BAZ2B: variants seen among roughly 807,000 people sequenced by gnomAD.
BAZ2B encodes bromodomain adjacent to zinc finger domain protein 2B.
In BAZ2B, 91 loss-of-function variants were observed where a neutral mutation model predicts 246.0. The ratio of observed to expected loss-of-function variants is 0.37; its 90% CI spans 0.31 to 0.44. BAZ2B has a LOEUF of 0.44. Among genes scored for constraint, BAZ2B ranks in the 20% least tolerant of loss-of-function variants. The pLI is 1.00. For synonymous variants in BAZ2B, 855 were observed against 860.0 expected (o/e 0.99, Z 0.10); for missense variants, 2,332 against 2,533.7 (o/e 0.92, Z 1.71).
chr2:159,325,113 TA>T lies in BAZ2B; in HGVS notation c.6210-160del, dbSNP rs1359118455. On this transcript the variant is annotated intron_variant, in intron 35 of 36. Coordinates refer to ENST00000392783, the MANE Select transcript of BAZ2B (RefSeq NM_013450.4). ...TATATTATATATATATATATATATATATTTTATATATATATATATATATATA... is the reference window on the plus strand; with the variant it reads ...TATATTATATATATATATATATATATTTTTATATATATATATATATATATA... Among the ~76,000 whole-genome samples the T allele has an allele frequency of 3.2e-3, 8 of 2,494 alleles. 1 individual carries two copies. Among genetic ancestry groups the T allele is most frequent in the African/African-American group, 9.5e-3 (8 of 838 alleles). The allele number at this position is 2,494 out of a possible 152,430, so 1.6% of individuals were successfully genotyped here. A position where few individuals can be genotyped will look rare whatever the true frequency, so the allele number is the denominator to read the frequency against.
the BAZ2B span, among the ~76,000 whole-genome samples, chr2:159,675,963 T>G: frequency 6.6e-6 from 1 of 152,262 alleles, no homozygotes; most frequent in South Asian, 2.1e-4. Flanking sequence ...TGGTGCGATC[T>G]AGGCTCACTG....
At chr2:159,438,852 G>A in intron 7 of BAZ2B, 157 bp from the exon 8 acceptor site, 1 of 1,207,530 alleles carries the variant, frequency 8.3e-7, no homozygotes, top group Non-Finnish European at 1.1e-6. Context: ...AATACCGTAT[G>A]TCCCTTTAAA....
At chr2:159,504,940 G>A (rs1375728810) in intron 2 of BAZ2B, among the ~76,000 whole-genome samples, 1 of 152,146 alleles carries the variant, frequency 6.6e-6, no homozygotes, top group African/African-American at 2.4e-5. Flanking sequence ...GGTGCAGAGA[G>A]CAATTATCTT....
chr2:159,572,504 T>C (rs552261107), intron 1 of BAZ2B, among the ~76,000 whole-genome samples: 1 of 152,278 alleles, frequency 6.6e-6, no homozygotes, highest in South Asian at 2.1e-4. Context: ...AGAATTTGTT[T>C]TTGGAAAAGC....
chr2:159,582,540 C>T (rs1549385), intron 1 of BAZ2B, among the ~76,000 whole-genome samples: 83,912 of 151,872 alleles, frequency 0.55, 23,939 homozygotes, highest in East Asian at 0.74. Flanking sequence ...AGCACTACAA[C>T]GTCTAAATAA....
At chr2:159,643,632 T>C in the BAZ2B span, among the ~76,000 whole-genome samples, 2 of 152,096 alleles carry the variant, frequency 1.3e-5, no homozygotes, top group Non-Finnish European at 2.9e-5. Flanking sequence ...CCCAGCACTT[T>C]GGGAGTCCGA....
chr2:159,445,241 C>T (rs901792016), intron 6 of BAZ2B, among the ~76,000 whole-genome samples: 3 of 152,028 alleles, frequency 2.0e-5, no homozygotes, highest in African/African-American at 7.2e-5. Flanking sequence ...AGGAAGAAAT[C>T]GCATTAACAA....
chr2:159,592,554 A>G (rs1026597009), intron 1 of BAZ2B, among the ~76,000 whole-genome samples: 1 of 152,236 alleles, frequency 6.6e-6, no homozygotes, highest in Non-Finnish European at 1.5e-5. Flanking sequence ...TTCTAAAAAG[A>G]GACTCTGTCT....
intron 1 of BAZ2B, among the ~76,000 whole-genome samples, chr2:159,570,347 G>A (rs1428884345): frequency 6.6e-6 from 1 of 151,988 alleles, no homozygotes; most frequent in Non-Finnish European, 1.5e-5. Context: ...ACCATGCCTG[G>A]CTAATTTTTG....
chr2:159,510,248 T>A (rs1387533142), intron 2 of BAZ2B, among the ~76,000 whole-genome samples: 1 of 152,116 alleles, frequency 6.6e-6, no homozygotes, highest in Non-Finnish European at 1.5e-5. Context: ...AGTGGTGCGA[T>A]CACAGTTTAC....
At chr2:159,538,213 G>A (rs1424448676) in intron 2 of BAZ2B, among the ~76,000 whole-genome samples, 1 of 152,102 alleles carries the variant, frequency 6.6e-6, no homozygotes. Context: ...GCCCAGGCTG[G>A]ACTCGAACTC....
chr2:159,581,366 T>A (rs1037811824), intron 1 of BAZ2B, among the ~76,000 whole-genome samples: 21 of 152,218 alleles, frequency 1.4e-4, no homozygotes, highest in African/African-American at 4.8e-4. Context: ...TCAAAACCAC[T>A]ATGAGATACC....
At chr2:159,373,944 T>C (rs1245118951) in intron 26 of BAZ2B, among the ~76,000 whole-genome samples, 2 of 152,220 alleles carry the variant, frequency 1.3e-5, no homozygotes, top group East Asian at 3.8e-4. Context: ...GGGATAGGTC[T>C]GTGAAGAATC....
At chr2:159,631,900 A>G in the BAZ2B span, among the ~76,000 whole-genome samples, 1 of 152,186 alleles carries the variant, frequency 6.6e-6, no homozygotes, top group East Asian at 1.9e-4. Context: ...ATATATATAT[A>G]TGTACATCTA....
intron 2 of BAZ2B, among the ~76,000 whole-genome samples, chr2:159,512,080 T>C (rs913179227): frequency 1.3e-5 from 2 of 152,176 alleles, no homozygotes; most frequent in South Asian, 2.1e-4. Context: ...ATGTAAAGTT[T>C]CTACCTATTC....
intron 31 of BAZ2B, among the ~76,000 whole-genome samples, chr2:159,346,907 G>T (rs2067950514): frequency 6.6e-6 from 1 of 152,068 alleles, no homozygotes; most frequent in African/African-American, 2.4e-5. Context: ...GGGAATGAAT[G>T]AATAAATCAG....
intron 13 of BAZ2B, among the ~76,000 whole-genome samples, chr2:159,421,258 T>C (rs2150050163): frequency 6.6e-6 from 1 of 152,158 alleles, no homozygotes; most frequent in Middle Eastern, 3.4e-3. Flanking sequence ...CTCTGTAGTC[T>C]CAAACTCGTG....
At chr2:159,355,689 C>A (rs1409134048) in intron 27 of BAZ2B, among the ~76,000 whole-genome samples, 5 of 152,240 alleles carry the variant, frequency 3.3e-5, no homozygotes, top group East Asian at 1.9e-4. Flanking sequence ...CAGTGAACTT[C>A]TTCCAGGCAA....
intron 3 of BAZ2B, among the ~76,000 whole-genome samples, chr2:159,457,959 T>C (rs2075977032): frequency 6.6e-6 from 1 of 152,176 alleles, no homozygotes; most frequent in South Asian, 2.1e-4. Context: ...CTAATCTTTA[T>C]TGTTTTCATT....
Sources: gnomAD v4.1 joint callset for allele counts (sites outside exome capture counted in the v4.1 genomes callset) on GRCh38, gnomAD v4.1.1 for gene constraint, MANE v1.5 for transcripts, NCBI Gene and HGNC (gene_info 2026-07-23, HGNC 2026-07-21) for gene names.